DLGAP2: variants seen among roughly 807,000 people sequenced by gnomAD.
The protein encoded by DLGAP2 is DLG associated protein 2, also known as disks large-associated protein 2.
DLGAP2 carries 26 observed loss-of-function variants against 100.3 expected under a neutral mutation model. The ratio of observed to expected loss-of-function variants is 0.26; its 90% CI spans 0.19 to 0.36. The LOEUF (loss-of-function observed/expected upper bound fraction) is 0.36. Ranked by LOEUF, DLGAP2 falls within the 10% of genes least tolerant of loss-of-function variation. The probability of loss-of-function intolerance (pLI) is 1.00; values close to 1 mark genes in which losing one functional copy is unlikely to be tolerated. For missense variants in DLGAP2, 1,858 were observed against 1,453.2 expected, an observed-to-expected ratio of 1.28 and a Z score of -4.53; for synonymous variants, 886 against 630.1, an observed-to-expected ratio of 1.41 and a Z score of -6.08.
intron 2 of DLGAP2, among the ~76,000 whole-genome samples, chr8:949,944 A>T (rs1799433666): frequency 6.6e-6 from 1 of 152,148 alleles, no homozygotes; most frequent in East Asian, 1.9e-4. Context: ...GAAGATACTT[A>T]TCTGGGCCCA....
At chr8:1,279,323 A>G (rs993742093) in intron 3 of DLGAP2, among the ~76,000 whole-genome samples, 13 of 152,202 alleles carry the variant, frequency 8.5e-5, no homozygotes, top group African/African-American at 3.1e-4. Context: ...AAATTTTATA[A>G]TTGCCTGCCA....
At chr8:1,473,366 G>T (rs1457391435) in intron 3 of DLGAP2, among the ~76,000 whole-genome samples, 1 of 152,232 alleles carries the variant, frequency 6.6e-6, no homozygotes, top group Admixed American at 6.5e-5. Context: ...GAGGAACGGA[G>T]AACGGAGCCT....
chr8:833,552 G>A (rs1796819517), intron 1 of DLGAP2, among the ~76,000 whole-genome samples: 1 of 152,142 alleles, frequency 6.6e-6, no homozygotes, highest in South Asian at 2.1e-4. Context: ...TCTGGCTCAA[G>A]GTTCTCTGGC....
chr8:1,464,087 C>G (rs1367754367), intron 3 of DLGAP2, among the ~76,000 whole-genome samples: 1 of 128,616 alleles, frequency 7.8e-6, no homozygotes, highest in Non-Finnish European at 1.7e-5. Flanking sequence ...GAAGAGCTTC[C>G]TTCCAGCTGA....
chr8:1,368,710 T>C (rs1802167910), intron 3 of DLGAP2: 1 of 152,180 alleles, frequency 6.6e-6, no homozygotes, highest in Admixed American at 6.5e-5. Flanking sequence ...TGCTACAGCG[T>C]TACCTCATTA....
intron 2 of DLGAP2, among the ~76,000 whole-genome samples, chr8:1,251,084 C>G (rs746535611): frequency 1.5e-4 from 23 of 152,156 alleles, no homozygotes; most frequent in Non-Finnish European, 3.1e-4. Flanking sequence ...GAAATTAACC[C>G]ATGTTCACGA....
At chr8:1,225,223 G>C (rs1798390474) in intron 2 of DLGAP2, among the ~76,000 whole-genome samples, 1 of 152,214 alleles carries the variant, frequency 6.6e-6, no homozygotes, top group Non-Finnish European at 1.5e-5. Context: ...CATATGTACA[G>C]ACAACGGAAC....
intron 3 of DLGAP2, among the ~76,000 whole-genome samples, chr8:1,408,667 G>A (rs1348974289): frequency 6.6e-6 from 1 of 152,206 alleles, no homozygotes; most frequent in Non-Finnish European, 1.5e-5. Flanking sequence ...TTGGATGTTT[G>A]AGGCCTTCTA....
chr8:1,362,934 T>C (rs569323420), intron 3 of DLGAP2, among the ~76,000 whole-genome samples: 25 of 152,290 alleles, frequency 1.6e-4, no homozygotes, highest in Admixed American at 7.2e-4. Context: ...GCTGGCTTTC[T>C]TCACTTCGGG....
At chr8:884,548 T>C (rs184586827) in intron 1 of DLGAP2, among the ~76,000 whole-genome samples, 3 of 152,258 alleles carry the variant, frequency 2.0e-5, no homozygotes, top group Non-Finnish European at 2.9e-5. Context: ...GTCAGATGGG[T>C]AGATTGCAAA....
chr8:1,532,529 A>G (rs1180103057), intron 4 of DLGAP2, among the ~76,000 whole-genome samples: 1 of 152,178 alleles, frequency 6.6e-6, no homozygotes, highest in African/African-American at 2.4e-5. Context: ...AAACATTTTT[A>G]TGGCTCTTAA....
chr8:1,540,616 G>C (rs544062129), intron 4 of DLGAP2, among the ~76,000 whole-genome samples: 1 of 152,328 alleles, frequency 6.6e-6, no homozygotes, highest in East Asian at 1.9e-4. Context: ...TGGCTGCACA[G>C]CTCTGCTGCC....
intron 3 of DLGAP2, among the ~76,000 whole-genome samples, chr8:1,298,415 CCCTGGATCA>C (rs1355627222): frequency 6.6e-6 from 1 of 152,162 alleles, no homozygotes; most frequent in Non-Finnish European, 1.5e-5. Context: ...CACCAGGAAG[CCCTGGATCA>C]CAGTGTGACA....
rs1326520314 is a variant in DLGAP2 at position 1,676,574 on chromosome 8, G to C, written c.2244G>C (p.Leu748=). 6.2e-7 allele frequency: 1 copy of C among 1,613,504 alleles called. No individual in the cohort carries two copies. Among genetic ancestry groups the C allele is most frequent in the African/African-American group, 1.3e-5 (1 of 74,930 alleles). ...ATTCTGACACGGAGAGCCGCGGTCT[G>C]CGGGAATACCACTCTGTCGGGGTGC... ...ATDSDTESRG[L]REYHSVGVQV... is the part of the protein sequence containing the mutation. The change falls in exon 11 of 15, where the codon CTG becomes CTC. Residue 748 remains leucine (L), a synonymous_variant. Transcript: ENST00000637795.
chr8:1,467,749 G>A (rs1295170322), intron 3 of DLGAP2, among the ~76,000 whole-genome samples: 1 of 152,112 alleles, frequency 6.6e-6, no homozygotes, highest in East Asian at 1.9e-4. Flanking sequence ...TGCCAGTAAG[G>A]GGGGCAGAGT....
chr8:1,449,831 C>T (rs1798091239), intron 3 of DLGAP2, among the ~76,000 whole-genome samples: 1 of 146,316 alleles, frequency 6.8e-6, no homozygotes, highest in Admixed American at 6.9e-5. Context: ...GCCTCGGTGG[C>T]TGTGACTGTA....
At chr8:900,343 G>A (rs1279171645) in intron 1 of DLGAP2, among the ~76,000 whole-genome samples, 6 of 148,182 alleles carry the variant, frequency 4.0e-5, no homozygotes, top group African/African-American at 1.5e-4. Flanking sequence ...CCGGGTGGAC[G>A]GTGGGCGCCC....
chr8:1,537,115 A>G (rs1217981013), intron 4 of DLGAP2, among the ~76,000 whole-genome samples: 1 of 151,910 alleles, frequency 6.6e-6, no homozygotes, highest in Non-Finnish European at 1.5e-5. Context: ...GGTGTGTGGT[A>G]TGTGGTAGAC....
intron 6 of DLGAP2, chr8:1,619,955 A>C (rs968120825): frequency 2.0e-5 from 3 of 152,210 alleles, no homozygotes; most frequent in African/African-American, 7.2e-5. Flanking sequence ...TCCTGTAGAC[A>C]GGAAAAATGA....
Sources: gnomAD v4.1 joint callset for allele counts (sites outside exome capture counted in the v4.1 genomes callset) on GRCh38, gnomAD v4.1.1 for gene constraint, MANE v1.5 for transcripts, NCBI Gene and HGNC (gene_info 2026-07-23, HGNC 2026-07-21) for gene names.